NTF3: variants seen among roughly 807,000 people sequenced by gnomAD.
NTF3 encodes the protein neurotrophin 3.
A neutral mutation model predicts 26.3 loss-of-function variants in NTF3; 8 were observed. The observed-to-expected ratio is 0.30, with a 90% confidence interval of 0.18 to 0.55. The LOEUF (loss-of-function observed/expected upper bound fraction) is 0.55. Ranked by LOEUF, NTF3 falls within the 20% of genes least tolerant of loss-of-function variation. The pLI, the probability that NTF3 is intolerant of heterozygous loss-of-function variation, is 0.93. For missense variants in NTF3, 276 were observed against 352.9 expected (o/e 0.78, Z 1.75); for synonymous variants, 154 against 145.5 (o/e 1.06, Z -0.42).
chr12:5,475,327 G>GA (rs1183168466), intron 1 of NTF3, among the ~76,000 whole-genome samples: 1 of 152,188 alleles, frequency 6.6e-6, no homozygotes, highest in Admixed American at 6.5e-5. Flanking sequence ...ACTTTGAAAT[G>GA]AAGAATGGTA....
chr12:5,451,662 A>T (rs1231060929), intron 1 of NTF3, among the ~76,000 whole-genome samples: 1 of 152,132 alleles, frequency 6.6e-6, no homozygotes, highest in African/African-American at 2.4e-5. Flanking sequence ...GTGTCTGTAT[A>T]TGTGTATTTC....
At chr12:5,467,949 T>G (rs1940613509) in intron 1 of NTF3, among the ~76,000 whole-genome samples, 1 of 152,202 alleles carries the variant, frequency 6.6e-6, no homozygotes, top group Non-Finnish European at 1.5e-5. Context: ...CCAAACTCTG[T>G]CCTGAAGCAC....
intron 1 of NTF3, among the ~76,000 whole-genome samples, chr12:5,481,253 C>A (rs1014402208): frequency 4.6e-5 from 7 of 152,046 alleles, no homozygotes; most frequent in Non-Finnish European, 8.8e-5. Context: ...CAGGGACTCA[C>A]AGTGGCCAAA....
intron 1 of NTF3, among the ~76,000 whole-genome samples, chr12:5,455,307 G>C (rs1231468392): frequency 6.6e-6 from 1 of 152,310 alleles, no homozygotes; most frequent in South Asian, 2.1e-4. Flanking sequence ...GCATACATCT[G>C]TCTTCGATCG....
chr12:5,474,677 G>A (rs1940701706), intron 1 of NTF3, among the ~76,000 whole-genome samples: 1 of 152,208 alleles, frequency 6.6e-6, no homozygotes, highest in South Asian at 2.1e-4. Flanking sequence ...GTGCGGGGAA[G>A]AAATGATAGG....
chr12:5,461,961 T>C (rs917081598), intron 1 of NTF3, among the ~76,000 whole-genome samples: 1 of 152,206 alleles, frequency 6.6e-6, no homozygotes, highest in African/African-American at 2.4e-5. Context: ...GTGTATGATG[T>C]GTATGGGGAA....
At chr12:5,488,281 AC>A (rs752546305) in intron 1 of NTF3, among the ~76,000 whole-genome samples, 2 of 151,940 alleles carry the variant, frequency 1.3e-5, no homozygotes, top group Non-Finnish European at 2.9e-5. Context: ...CAGGTTGCCA[AC>A]CCCCACGGGT....
At chr12:5,491,487 G>A (rs1040879978) in intron 1 of NTF3, among the ~76,000 whole-genome samples, 8 of 152,138 alleles carry the variant, frequency 5.3e-5, no homozygotes, top group African/African-American at 1.7e-4. Flanking sequence ...AGGTGCTATC[G>A]TTGGGATCTT....
chr12:5,442,800 G>A (rs1382609079), intron 1 of NTF3, among the ~76,000 whole-genome samples: 1 of 152,188 alleles, frequency 6.6e-6, no homozygotes, highest in Non-Finnish European at 1.5e-5. Context: ...ATTATTGTAA[G>A]GGGCCACTCT....
chr12:5,494,445 C>T lies in NTF3; in HGVS notation c.270C>T (p.Pro90=), dbSNP rs746534025. ...EAPREPERGG[P]AKSAFQPVIA... The stretch of plus-strand genomic sequence containing the variant: ...CCCGAGAGCCGGAGCGGGGAGGGCC[C>T]GCCAAGTCAGCATTCCAGCCGGTGA... The change falls in exon 2 of 2, where the codon CCC becomes CCT. Residue 90 remains proline, a synonymous_variant. Transcript: ENST00000423158. The surrounding 1 kb of genome is among the most constrained non-coding windows in gnomAD (Gnocchi z 8.3). 4 of 1,613,416 alleles carry T rather than the reference C, an allele frequency of 2.5e-6. No homozygotes were observed. The highest frequency in any genetic ancestry group is 1.3e-5 in the African/African-American group (1 of 74,876).
chr12:5,457,174 C>G (rs1402755985), intron 1 of NTF3, among the ~76,000 whole-genome samples: 1 of 152,248 alleles, frequency 6.6e-6, no homozygotes, highest in Non-Finnish European at 1.5e-5. Flanking sequence ...TATGCATGGT[C>G]AGAAGTTAGA....
chr12:5,474,787 G>C (rs1940703031), intron 1 of NTF3, among the ~76,000 whole-genome samples: 1 of 152,108 alleles, frequency 6.6e-6, no homozygotes, highest in South Asian at 2.1e-4. Flanking sequence ...AGAAAAGGAG[G>C]GTGGATTTTG....
At chr12:5,481,626 T>C (rs959609678) in intron 1 of NTF3, among the ~76,000 whole-genome samples, 222 of 72,876 alleles carry the variant, frequency 3.0e-3, no homozygotes, top group African/African-American at 0.015. Context: ...GACATACACA[T>C]ACATGCACAC....
intron 1 of NTF3, among the ~76,000 whole-genome samples, chr12:5,454,771 GAC>G (rs1395161136): frequency 6.6e-6 from 1 of 152,224 alleles, no homozygotes; most frequent in Non-Finnish European, 1.5e-5. Flanking sequence ...AAGCAAGGAG[GAC>G]AGCGGCGAGA....
At chr12:5,487,467 C>T (rs982278783) in intron 1 of NTF3, among the ~76,000 whole-genome samples, 3 of 152,188 alleles carry the variant, frequency 2.0e-5, no homozygotes, top group East Asian at 3.8e-4. Context: ...TCAGAAGGAC[C>T]AGTTTCAGTA....
chr12:5,475,916 GAGAGAAAGAGAGAAAAAGAA>G (rs1404047912), intron 1 of NTF3, among the ~76,000 whole-genome samples: 1 of 87,508 alleles, frequency 1.1e-5, no homozygotes, highest in Admixed American at 1.2e-4. Flanking sequence ...AAGAAAGAAA[GAGAGAAAGAGAGAAAAAGAA>G]AGAGAAAAGA....
chr12:5,463,880 G>C (rs1439463630), intron 1 of NTF3, among the ~76,000 whole-genome samples: 1 of 152,180 alleles, frequency 6.6e-6, no homozygotes, highest in African/African-American at 2.4e-5. Context: ...ATGAAATTAG[G>C]AGGTTGAATT....
chr12:5,434,628 C>T (rs1940144645), intron 1 of NTF3, among the ~76,000 whole-genome samples: 1 of 151,970 alleles, frequency 6.6e-6, no homozygotes, highest in Non-Finnish European at 1.5e-5. Flanking sequence ...CTTGCAGGAA[C>T]ATAGGTGTAG....
Position 5,451,313 on chromosome 12 carries a change from T to G in NTF3, c.18+18971T>G. 2.0e-5 allele frequency among the ~76,000 whole-genome samples: 3 copies of G among 152,236 alleles called. 1 individual carries two copies. In the East Asian group the frequency reaches 5.8e-4, roughly 29 times the overall value. On this transcript the variant is annotated intron_variant, in intron 1 of 1. Coordinates refer to ENST00000423158, the MANE Select transcript of NTF3 (RefSeq NM_001102654.2). ...AATCTAATCTGAAACACAAAGCATT[T>G]GCTTCCTTAATTCAAGATTTTTGGC... is the stretch of plus-strand genomic sequence containing the variant.
Sources: allele counts gnomAD v4.1 joint callset (sites outside exome capture counted in the v4.1 genomes callset), GRCh38; gene constraint gnomAD v4.1.1; non-coding constraint Gnocchi (gnomAD v3.1); transcripts MANE v1.5; gene names NCBI Gene and HGNC (gene_info 2026-07-23, HGNC 2026-07-21).